IL1RN: variants seen among roughly 807,000 people sequenced by gnomAD.
IL1RN encodes the protein interleukin-1 receptor antagonist protein.
In IL1RN, 10 loss-of-function variants were observed where a neutral mutation model predicts 13.7. The observed-to-expected ratio is 0.73, with a 90% CI of 0.45 to 1.24. IL1RN has a LOEUF of 1.24. Among genes scored for constraint, IL1RN ranks in the 50% most tolerant of loss-of-function variants. The pLI, the probability that IL1RN is intolerant of heterozygous loss-of-function variation, is 0.00. For missense variants in IL1RN, 213 were observed against 222.1 expected (o/e 0.96, Z 0.26); for synonymous variants, 102 against 82.7 (o/e 1.23, Z -1.27).
At chr2:113,128,565 G>T (rs3181053) in intron 1 of IL1RN, among the ~76,000 whole-genome samples, 2,147 of 152,174 alleles carry the variant, frequency 0.014, 52 homozygotes, top group African/African-American at 0.049. Flanking sequence ...TGATCAGCTA[G>T]AAGCTCCAGG....
upstream of IL1RN, among the ~76,000 whole-genome samples, chr2:113,125,682 G>T (rs900809519): frequency 2.6e-5 from 4 of 152,232 alleles, no homozygotes; most frequent in Non-Finnish European, 4.4e-5. Context: ...TGATTTGTTG[G>T]TTGAAAATAG....
upstream of IL1RN, among the ~76,000 whole-genome samples, chr2:113,126,584 C>T (rs990115632): frequency 7.9e-5 from 12 of 152,132 alleles, no homozygotes; most frequent in South Asian, 2.1e-4. Context: ...TTCCAGGCCC[C>T]GGGTCTAGAA....
In IL1RN at chr2:113,132,879, C is replaced by G. The variant is rs533723622; in HGVS notation, c.*8C>G. The G allele has an allele frequency of 6.2e-7, 1 of 1,612,656 alleles. No homozygotes were observed. Among genetic ancestry groups the G allele is most frequent in the Admixed American group, 1.7e-5 (1 of 60,036 alleles). On this transcript the variant is annotated 3_prime_UTR_variant, in exon 4 of 4. Transcript: ENST00000409930. ...TTCCAGGAGGACGAGTAGTACTGCC[C>G]AGGCCTGCCTGTTCCCATTCTTGCA...
At chr2:113,101,628 C>T in the IL1RN span, among the ~76,000 whole-genome samples, 15 of 152,164 alleles carry the variant, frequency 9.9e-5, no homozygotes, top group Admixed American at 2.6e-4. Flanking sequence ...CCTGGGCTCT[C>T]GATTTTCTAA....
chr2:113,102,525 G>A (rs936879120), upstream of IL1RN, among the ~76,000 whole-genome samples: 4 of 152,222 alleles, frequency 2.6e-5, no homozygotes, highest in African/African-American at 9.7e-5. Flanking sequence ...GAGAGGTCAG[G>A]CGTGTCACGT....
At chr2:113,119,657 G>A (rs1280777878) in intron 1 of IL1RN, among the ~76,000 whole-genome samples, 1 of 152,188 alleles carries the variant, frequency 6.6e-6, no homozygotes, top group African/African-American at 2.4e-5. Flanking sequence ...CCAATACATT[G>A]TGAAGAAATA....
At chr2:113,108,458 CTCTTA>C (rs60711110), upstream of IL1RN, among the ~76,000 whole-genome samples, 24,528 of 151,110 alleles carry the variant, frequency 0.16, 2,745 homozygotes, top group African/African-American at 0.31. Flanking sequence ...CCCTTCCCTT[CTCTTA>C]TCTTATCACT....
At chr2:113,115,441 C>T (rs315920), upstream of IL1RN, 23,060 of 152,166 alleles carry the variant, frequency 0.15, 2,030 homozygotes, top group Non-Finnish European at 0.21. Flanking sequence ...TATCTTGCTC[C>T]TCCATTCCTG....
At chr2:113,108,737 T>C (rs1028259112), upstream of IL1RN, among the ~76,000 whole-genome samples, 2 of 151,972 alleles carry the variant, frequency 1.3e-5, no homozygotes, top group African/African-American at 2.4e-5. Flanking sequence ...TAAAAAATGG[T>C]GAGGAAGAAA....
chr2:113,121,455 A>T (rs1288784771), intron 2 of IL1RN: 1 of 985,344 alleles, frequency 1.0e-6, no homozygotes, highest in Non-Finnish European at 1.2e-6. Flanking sequence ...CAGGGGGATT[A>T]TAAAACTAAT....
upstream of IL1RN, among the ~76,000 whole-genome samples, chr2:113,126,166 T>G (rs1414020777): frequency 6.6e-6 from 1 of 152,188 alleles, no homozygotes; most frequent in Non-Finnish European, 1.5e-5. Flanking sequence ...ACATTTTTTT[T>G]GTTTATTTGT....
upstream of IL1RN, among the ~76,000 whole-genome samples, chr2:113,114,400 C>A (rs760920823): frequency 3.3e-4 from 10 of 30,382 alleles, no homozygotes; most frequent in Non-Finnish European, 1.7e-4. Context: ...TAGTTTGAGG[C>A]AGCTGCCCAC....
chr2:113,108,453 C>G (rs1686421283), upstream of IL1RN, among the ~76,000 whole-genome samples: 1 of 144,002 alleles, frequency 6.9e-6, no homozygotes, highest in African/African-American at 2.8e-5. Flanking sequence ...TGTTCCCCTT[C>G]CCTTCTCTTA....
chr2:113,124,637 G>A (rs866561478), upstream of IL1RN, among the ~76,000 whole-genome samples: 2 of 152,146 alleles, frequency 1.3e-5, no homozygotes, highest in Admixed American at 6.5e-5. Flanking sequence ...AAGTGCCAGG[G>A]TCAGGGCATG....
upstream of IL1RN, among the ~76,000 whole-genome samples, chr2:113,115,154 T>G (rs1686568682): frequency 6.6e-6 from 1 of 152,194 alleles, no homozygotes; most frequent in South Asian, 2.1e-4. Context: ...ATTGTAAAAC[T>G]GATCCCATGT....
At chr2:113,117,836 T>A, upstream of IL1RN, 1 of 686,194 alleles carries the variant, frequency 1.5e-6, no homozygotes, top group South Asian at 1.7e-5. Context: ...CCTCTGTGAG[T>A]GTGTGGGAGG....
chr2:113,129,245 TG>T (rs1233722323), intron 1 of IL1RN, among the ~76,000 whole-genome samples: 1 of 152,230 alleles, frequency 6.6e-6, no homozygotes, highest in Non-Finnish European at 1.5e-5. Context: ...AGAACATTTT[TG>T]CATCCCAGAA....
the IL1RN span, among the ~76,000 whole-genome samples, chr2:113,101,555 A>C: frequency 3.9e-5 from 6 of 152,194 alleles, no homozygotes; most frequent in Non-Finnish European, 5.9e-5. Flanking sequence ...CTCAGAAGAA[A>C]GGACTGCCTT....
At chr2:113,109,430 A>C (rs949410422), upstream of IL1RN, among the ~76,000 whole-genome samples, 1 of 146,276 alleles carries the variant, frequency 6.8e-6, no homozygotes, top group Non-Finnish European at 1.5e-5. Flanking sequence ...AAAAAAAAAA[A>C]TTAAGATAGT....
Sources: gnomAD v4.1 joint callset for allele counts (sites outside exome capture counted in the v4.1 genomes callset) on GRCh38, gnomAD v4.1.1 for gene constraint, MANE v1.5 for transcripts, NCBI Gene and HGNC (gene_info 2026-07-23, HGNC 2026-07-21) for gene names.